Variants in ITGA2B observed in about 807,000 individuals in gnomAD.
The protein encoded by ITGA2B is integrin subunit alpha 2b.
ITGA2B carries 91 observed loss-of-function variants against 142.0 expected under a neutral mutation model. The observed-to-expected ratio is 0.64, with a 90% confidence interval of 0.54 to 0.76. The LOEUF (loss-of-function observed/expected upper bound fraction) is 0.76. Ranked by LOEUF, ITGA2B falls within the 30% of genes least tolerant of loss-of-function variation. ITGA2B has a pLI of 0.00. For synonymous variants in ITGA2B, 536 were observed against 567.2 expected (o/e 0.94, Z 0.78); for missense variants, 1,231 against 1,350.8 (o/e 0.91, Z 1.39).
At chr17:44,385,514 C>T (rs1567905561) in intron 4 of ITGA2B, 37 bp downstream of exon 4, 1 of 1,536,906 alleles carries the variant, frequency 6.5e-7, no homozygotes, top group Non-Finnish European at 8.7e-7. Flanking sequence ...GCCAAGCCGT[C>T]GCGAGTGGGC....
chr17:44,383,590 C>T lies in ITGA2B; in HGVS notation c.1113G>A (p.Leu371=). 1 of 1,611,194 alleles carries T rather than the reference C, an allele frequency of 6.2e-7. No individual in the cohort carries two copies. Among genetic ancestry groups the T allele is most frequent in the Non-Finnish European group, 8.5e-7 (1 of 1,179,490 alleles). ...CAGTCAGCAGGAGGCTGGGGGCACC[C>T]AGCGCGTGGGGGCCTCGCGGCTGCA... ...LFLQPRGPHA[L]GAPSLLLTGT... Residue 371 remains leucine (L), a synonymous_variant, in exon 12 of 30, where the codon CTG becomes CTA. Transcript: ENST00000262407.
chr17:44,377,066 C>G lies in ITGA2B; in HGVS notation c.2210G>C (p.Ser737Thr). Residue 737 changes from serine (S) to threonine (T), a missense_variant, in exon 22 of 30, where the codon AGC becomes ACC. By Grantham distance (58) the Ser-to-Thr change is moderately conservative. Transcript: ENST00000262407. ...CCCAGCCTCTTCCAGATTCCCCACG[C>G]TCACCAACATCGCGATTCCTATCTG... The part of the protein sequence containing the change: ...NAQIGIAMLV[S>T]VGNLEEAGES... 1.3e-6 allele frequency: 2 copies of G among 1,587,730 alleles called. No individual in the cohort carries two copies. Among genetic ancestry groups the G allele is most frequent in the Non-Finnish European group, 1.7e-6 (2 of 1,167,030 alleles).
rs1478125843 is a variant in ITGA2B, at chr17:44,374,435, C to T, written c.2979G>A (p.Arg993=). The change falls in exon 29 of 30, where the codon AGG becomes AGA. Residue 993 remains arginine, a synonymous_variant. Transcript: ENST00000262407. ...WTQLLRALEE[R]AIPIWWVLVG... The stretch of plus-strand genomic sequence containing the variant: ...CCAGCACCCACCAGATTGGAATGGC[C>T]CTCTCCTCCAAGGCCCGGAGCAGCT... 1.2e-6 allele frequency: 2 copies of T among 1,614,154 alleles called. No homozygotes were observed. The highest frequency in any genetic ancestry group is 3.3e-5 in the Admixed American group (2 of 60,022).
rs761164933 is a variant in ITGA2B at position 44,372,402 on chromosome 17, G to A, written c.3082C>T (p.Arg1028Trp). Reference sequence around the variant, plus strand: ...TCATCATCTTCTTCCAGGGGTGGCCGGTTCCGCTTGAAGAAGCCGACCTGG... The same window carrying A: ...TCATCATCTTCTTCCAGGGGTGGCCAGTTCCGCTTGAAGAAGCCGACCTGG... ...MWKVGFFKRN[R>W]PPLEEDDEEG... Residue 1028 changes from arginine to tryptophan, a missense_variant, in exon 30 of 30, where the codon CGG becomes TGG. Transcript: ENST00000262407. 31 of 1,613,898 alleles carry A rather than the reference G, an allele frequency of 1.9e-5. No individual in the cohort carries two copies. The highest frequency in any genetic ancestry group is 7.7e-5 in the South Asian group (7 of 91,078).
chr17:44,378,258 C>G, intron 20 of ITGA2B, 104 bp downstream of exon 20: 2 of 1,377,052 alleles, frequency 1.5e-6, no homozygotes, highest in Non-Finnish European at 1.9e-6. Context: ...ACATCTTTGA[C>G]AGCAAAGCAG....
chr17:44,377,174 T>C, intron 21 of ITGA2B, 86 bp from the exon 22 acceptor site: 1 of 919,006 alleles, frequency 1.1e-6, no homozygotes, highest in Non-Finnish European at 1.7e-6. Context: ...GTCTTCACCC[T>C]CCAAGATCAC....
At chr17:44,386,246 T>A in intron 1 of ITGA2B, 115 bp from the exon 2 acceptor site, 1 of 1,469,126 alleles carries the variant, frequency 6.8e-7, no homozygotes, top group Non-Finnish European at 9.2e-7. Context: ...TGGACCATCT[T>A]TCCTCAATGA....
At chr17:44,382,972 C>T (rs2048609748) in intron 12 of ITGA2B, among the ~76,000 whole-genome samples, 1 of 152,112 alleles carries the variant, frequency 6.6e-6, no homozygotes, top group Non-Finnish European at 1.5e-5. Flanking sequence ...TCCCCAAACC[C>T]CTGTCTCCCA....
Position 44,380,033 on chromosome 17 carries a change from G to A in ITGA2B, c.1721C>T (p.Pro574Leu). The A allele has an allele frequency of 6.2e-7, 1 of 1,613,800 alleles. No individual in the cohort carries two copies. Among genetic ancestry groups the A allele is most frequent in the South Asian group, 1.1e-5 (1 of 91,062 alleles). Residue 574 changes from proline to leucine, a missense_variant, in exon 17 of 30, where the codon CCC becomes CTC. This residue lies in a region of ITGA2B where 908 missense variants were observed against 1,021.1 expected (regional missense o/e 0.89). Coordinates refer to ENST00000262407, the MANE Select transcript of ITGA2B (RefSeq NM_000419.5). The stretch of plus-strand genomic sequence containing the variant: ...GAAGGCCATGGTGGTGTGGCAGATG[G>A]GGCTGTGCTTTCCGCCCAGATCCAG... ...LNLDLGGKHS[P>L]ICHTTMAFLR...
chr17:44,384,991 G>A lies in ITGA2B; in HGVS notation c.756C>T (p.Leu252=). Residue 252 remains leucine, a synonymous_variant, in exon 7 of 30, where the codon CTC becomes CTT. Coordinates refer to ENST00000262407, the MANE Select transcript of ITGA2B (RefSeq NM_000419.5). ...ACTCTGGGTTGCTGGAGTCAAAGGA[G>A]AGGCTCTGGGAGGACACGTGCCACA... ...ILLWHVSSQS[L]SFDSSNPEYF... The A allele has an allele frequency of 6.2e-7, 1 of 1,614,152 alleles. No homozygotes were observed. The highest frequency in any genetic ancestry group is 1.3e-5 in the African/African-American group (1 of 75,042).
At chr17:44,377,561 A>C in intron 21 of ITGA2B, 137 bp downstream of exon 21, 1 of 699,066 alleles carries the variant, frequency 1.4e-6, no homozygotes, top group Non-Finnish European at 2.6e-6. Flanking sequence ...AAAGTCACTC[A>C]CCCAAGGACA....
Position 44,378,412 on chromosome 17 carries a change from C to CGGCCAGCTCTGCTTCATA in ITGA2B, c.2026_2043dup (p.Tyr676_Ala681dup), listed in dbSNP as rs2048563899. ...TAGTGGGCGCCCTGGGGCAGGTGCA[C>CGGCCAGCTCTGCTTCATA]GGCCAGCTCTGCTTCATAGGCCCCC... is the stretch of plus-strand genomic sequence containing the variant. On this transcript the variant is annotated inframe_insertion, in exon 20 of 30. Coordinates refer to ENST00000262407, the MANE Select transcript of ITGA2B (RefSeq NM_000419.5). 5.0e-6 allele frequency: 8 copies of CGGCCAGCTCTGCTTCATA among 1,613,304 alleles called. No homozygotes were observed. The highest frequency in any genetic ancestry group is 6.8e-6 in the Non-Finnish European group (8 of 1,179,930).
intron 12 of ITGA2B, among the ~76,000 whole-genome samples, chr17:44,381,329 T>C (rs369718737): frequency 6.6e-6 from 1 of 151,122 alleles, no homozygotes; most frequent in East Asian, 1.9e-4. Flanking sequence ...TATTCCCTTT[T>C]CTAAATTTTT....
chr17:44,376,184 C>T lies in ITGA2B; in HGVS notation c.2349G>A (p.Gly783=), dbSNP rs1269898757. The change falls in exon 24 of 30, where the codon GGG becomes GGA. Residue 783 remains glycine, a splice_region_variant and synonymous_variant. Transcript: ENST00000262407. ...VRAEAQVELR[G]NSFPASLVVA... is the part of the protein sequence containing the mutation. ...CCACCAGGGAGGCTGGAAAGGAGTT[C>T]CTGCAGGTGCCCAAGACCCCCAGAG... 1 of 1,614,166 alleles carries T rather than the reference C, an allele frequency of 6.2e-7. No homozygotes were observed. The highest frequency in any genetic ancestry group is 8.5e-7 in the Non-Finnish European group (1 of 1,180,014).
intron 29 of ITGA2B, chr17:44,374,010 A>G: frequency 3.0e-6 from 1 of 332,772 alleles, no homozygotes; most frequent in Non-Finnish European, 5.9e-6. Context: ...GGTTCATGCA[A>G]TTCTACTGCC....
chr17:44,379,925 T>A, intron 17 of ITGA2B, 77 bp downstream of exon 17: 1 of 1,612,894 alleles, frequency 6.2e-7, no homozygotes, highest in Middle Eastern at 1.8e-4. Context: ...CCCAGCTCAG[T>A]GCCCCAGGGC....
At chr17:44,384,470 G>C (rs955211006) in intron 8 of ITGA2B, 68 bp downstream of exon 8, 3 of 1,609,136 alleles carry the variant, frequency 1.9e-6, no homozygotes, top group East Asian at 2.2e-5. Flanking sequence ...CCTACATAGG[G>C]GAGATTTCAG....
At chr17:44,382,785 C>T (rs1184166021) in intron 12 of ITGA2B, among the ~76,000 whole-genome samples, 8 of 152,294 alleles carry the variant, frequency 5.3e-5, no homozygotes, top group Admixed American at 2.0e-4. Context: ...TGCTCTTTAA[C>T]GCATGCTCTT....
intron 29 of ITGA2B, among the ~76,000 whole-genome samples, chr17:44,372,719 C>T (rs2048507732): frequency 6.6e-6 from 1 of 151,996 alleles, no homozygotes; most frequent in Non-Finnish European, 1.5e-5. Context: ...GCCTCCACCT[C>T]CCGGGTTCAA....
Sources: allele counts gnomAD v4.1 joint callset (sites outside exome capture counted in the v4.1 genomes callset), GRCh38; gene constraint gnomAD v4.1.1; regional missense constraint gnomAD v4.1.1; transcripts MANE v1.5; gene names NCBI Gene and HGNC (gene_info 2026-07-23, HGNC 2026-07-21).